The following EXOC6B variants were observed in gnomAD, a reference collection of about 807,000 sequenced individuals.
The protein encoded by EXOC6B is SEC15 homolog B.
Under a neutral mutation model 113.5 loss-of-function variants are expected in EXOC6B, and 54 were observed. The observed-to-expected ratio is 0.48, with a 90% CI of 0.38 to 0.60. The LOEUF is 0.60. Ranked by LOEUF, EXOC6B falls within the 20% of genes least tolerant of loss-of-function variation. The pLI is 0.00. For synonymous variants in EXOC6B, 357 were observed against 339.0 expected, an observed-to-expected ratio of 1.05 and a Z score of -0.58; for missense variants, 797 against 977.5, an observed-to-expected ratio of 0.82 and a Z score of 2.46.
At chr2:72,780,140 G>T (rs1408678526) in intron 1 of EXOC6B, among the ~76,000 whole-genome samples, 1 of 152,060 alleles carries the variant, frequency 6.6e-6, no homozygotes, top group Non-Finnish European at 1.5e-5. Context: ...TGGAAAAAAA[G>T]GCAAAGAAAC....
At chr2:72,229,332 G>A (rs954166833) in intron 20 of EXOC6B, among the ~76,000 whole-genome samples, 10 of 152,152 alleles carry the variant, frequency 6.6e-5, no homozygotes, top group African/African-American at 1.7e-4. Context: ...GAGCATTTAC[G>A]AAGATTACGA....
chr2:72,507,839 A>C (rs1162924281), intron 11 of EXOC6B, among the ~76,000 whole-genome samples: 2 of 151,964 alleles, frequency 1.3e-5, no homozygotes, highest in African/African-American at 2.4e-5. Context: ...TCCTGCTCTT[A>C]ATAGTATCAA....
intron 18 of EXOC6B, among the ~76,000 whole-genome samples, chr2:72,425,998 C>T (rs1029294958): frequency 6.6e-6 from 1 of 152,054 alleles, no homozygotes; most frequent in African/African-American, 2.4e-5. Context: ...ATTACGTTTT[C>T]CTGGTATTTA....
At chr2:72,714,710 T>C (rs1291060171) in intron 6 of EXOC6B, among the ~76,000 whole-genome samples, 1 of 152,106 alleles carries the variant, frequency 6.6e-6, no homozygotes, top group Admixed American at 6.5e-5. Flanking sequence ...TCAAGCATGA[T>C]CTTACCACCC....
At chr2:72,397,636 A>AAT (rs1692823128) in intron 18 of EXOC6B, among the ~76,000 whole-genome samples, 2 of 121,174 alleles carry the variant, frequency 1.7e-5, no homozygotes, top group African/African-American at 1.1e-4. Flanking sequence ...AAAATAAAAT[A>AAT]AAATAAAATA....
intron 7 of EXOC6B, among the ~76,000 whole-genome samples, chr2:72,573,760 A>G (rs915263185): frequency 3.9e-5 from 6 of 152,206 alleles, no homozygotes; most frequent in African/African-American, 1.4e-4. Flanking sequence ...AATGATAAAT[A>G]AAATTATTCA....
chr2:72,457,774 G>C (rs1165626263), intron 18 of EXOC6B, among the ~76,000 whole-genome samples: 1 of 152,080 alleles, frequency 6.6e-6, no homozygotes, highest in East Asian at 1.9e-4. Flanking sequence ...AACCCTAAAT[G>C]TGGAAAATAT....
At chr2:72,184,852 T>C (rs1678320366) in intron 20 of EXOC6B, among the ~76,000 whole-genome samples, 1 of 152,192 alleles carries the variant, frequency 6.6e-6, no homozygotes, top group African/African-American at 2.4e-5. Flanking sequence ...GAAGATGAAA[T>C]CAGGGCCATA....
intron 6 of EXOC6B, among the ~76,000 whole-genome samples, chr2:72,631,191 CAT>C (rs10579703): frequency 0.65 from 96,772 of 149,790 alleles, 35,313 homozygotes; most frequent in East Asian, 0.99. Flanking sequence ...TGCAAGTGTG[CAT>C]ATATATATAT....
chr2:72,181,144 G>A (rs1381249682), intron 21 of EXOC6B, among the ~76,000 whole-genome samples: 1 of 148,442 alleles, frequency 6.7e-6, no homozygotes. Context: ...AGGAGGCGGA[G>A]CTTGCAGTGA....
chr2:72,404,965 A>C (rs1021347566), intron 18 of EXOC6B, among the ~76,000 whole-genome samples: 1 of 152,146 alleles, frequency 6.6e-6, no homozygotes, highest in African/African-American at 2.4e-5. Flanking sequence ...CTTGAAAAAA[A>C]ATAGACGAAT....
In EXOC6B at chr2:72,768,328, G is replaced by T. The variant is rs181655370; in HGVS notation, c.114-26859C>A. ...TTTTTCGAGACAGAGTTTGGCTCTT[G>T]TTGCCCAGGCTGGAGTGCAATGGTG... is the stretch of plus-strand genomic sequence containing the variant. On this transcript the variant is annotated intron_variant, in intron 1 of 21. Coordinates refer to ENST00000272427, the MANE Select transcript of EXOC6B (RefSeq NM_015189.3). Among the ~76,000 whole-genome samples, 863 of 111,998 alleles carry T rather than the reference G, an allele frequency of 7.7e-3. 7 individuals are homozygous for T. The highest frequency in any genetic ancestry group is 0.011 in the Non-Finnish European group (661 of 57,872). 73.5% of individuals were successfully genotyped at this position (111,998 alleles called of 152,430 possible).
At chr2:72,275,068 C>T (rs1050373612) in intron 20 of EXOC6B, among the ~76,000 whole-genome samples, 23 of 152,072 alleles carry the variant, frequency 1.5e-4, no homozygotes, top group African/African-American at 4.8e-4. Context: ...TCAAATAAAT[C>T]GTTTACAGTA....
intron 6 of EXOC6B, among the ~76,000 whole-genome samples, chr2:72,580,659 C>T (rs767913978): frequency 3.3e-5 from 5 of 152,182 alleles, no homozygotes; most frequent in Non-Finnish European, 7.3e-5. Context: ...TCTGAACAGG[C>T]CTGGAAGCAT....
Position 72,607,854 on chromosome 2 carries a change from A to C in EXOC6B, c.670-32186T>G, listed in dbSNP as rs373034981. The stretch of plus-strand genomic sequence containing the variant: ...AGTACTGAAATTTTCATAATCATTT[A>C]AGTGACAAAATGAAAGGAGTAAGTA... On this transcript the variant is annotated intron_variant, in intron 6 of 21. Transcript: ENST00000272427. 2.6e-5 allele frequency among the ~76,000 whole-genome samples: 4 copies of C among 152,140 alleles called. No homozygotes were observed. In the East Asian group the frequency reaches 5.8e-4, roughly 22 times the overall value.
At chr2:72,224,677 T>A (rs545754259) in intron 20 of EXOC6B, among the ~76,000 whole-genome samples, 33 of 152,208 alleles carry the variant, frequency 2.2e-4, no homozygotes, top group South Asian at 1.2e-3. Flanking sequence ...TTGCCCAGGC[T>A]GGAGTGCAGT....
chr2:72,192,514 G>A (rs1572973326), intron 20 of EXOC6B, among the ~76,000 whole-genome samples: 1 of 152,172 alleles, frequency 6.6e-6, no homozygotes. Context: ...TAGTGACTGG[G>A]AACACAGCAG....
intron 20 of EXOC6B, among the ~76,000 whole-genome samples, chr2:72,295,718 A>G (rs1275861251): frequency 6.6e-6 from 1 of 152,226 alleles, no homozygotes; most frequent in African/African-American, 2.4e-5. Flanking sequence ...GTTTGCAAGC[A>G]GAGAAAAGGT....
chr2:72,684,119 A>G (rs1676914634), intron 6 of EXOC6B, among the ~76,000 whole-genome samples: 2 of 152,138 alleles, frequency 1.3e-5, no homozygotes, highest in African/African-American at 4.8e-5. Flanking sequence ...TTCAGTACAG[A>G]CGGGGTTTCA....
Sources: gnomAD v4.1 joint callset for allele counts (sites outside exome capture counted in the v4.1 genomes callset) on GRCh38, gnomAD v4.1.1 for gene constraint, MANE v1.5 for transcripts, NCBI Gene and HGNC (gene_info 2026-07-23, HGNC 2026-07-21) for gene names.